Variants in HMGCS1 observed in about 807,000 individuals in gnomAD.
The protein encoded by HMGCS1 is hydroxymethylglutaryl-CoA synthase, cytoplasmic.
In HMGCS1, 9 loss-of-function variants were observed where a neutral mutation model predicts 52.3. That is an observed-to-expected ratio of 0.17 (90% CI 0.10 to 0.30). The LOEUF (loss-of-function observed/expected upper bound fraction) is 0.30, where lower values mean the gene tolerates loss of function less well. Among genes scored for constraint, HMGCS1 ranks in the 10% least tolerant of loss-of-function variants. HMGCS1 has a pLI of 1.00. For missense variants in HMGCS1, 320 were observed against 620.9 expected (o/e 0.52, Z 5.15); for synonymous variants, 176 against 214.4 (o/e 0.82, Z 1.57).
At chr5:43,313,236 C>G (rs1241572648) in intron 1 of HMGCS1, 120 bp downstream of exon 1, 1 of 152,528 alleles carries the variant, frequency 6.6e-6, no homozygotes, top group Non-Finnish European at 1.5e-5. Context: ...TCCACGCCTA[C>G]GTCCTGACCC....
Position 43,287,677 on chromosome 5 carries a change from T to C in HMGCS1, c.*3454A>G, listed in dbSNP as rs889707544. 6.6e-6 allele frequency: 1 copy of C among 152,204 alleles called. No individual in the cohort carries two copies. The highest frequency in any genetic ancestry group is 1.5e-5 in the Non-Finnish European group (1 of 68,046). 9.4% of individuals were successfully genotyped at this position (152,204 alleles called of 1,614,324 possible). ...GTAATCAGTTATCCACTAGCAACTT[T>C]CCACCTAGGTCAAGGATGGCCCCAT... On this transcript the variant is annotated 3_prime_UTR_variant, in exon 11 of 11. Coordinates refer to ENST00000325110, the MANE Select transcript of HMGCS1 (RefSeq NM_001098272.3).
chr5:43,293,250 A>G (rs1253984006), intron 8 of HMGCS1, among the ~76,000 whole-genome samples: 2 of 152,122 alleles, frequency 1.3e-5, no homozygotes, highest in African/African-American at 2.4e-5. Context: ...CCATGGTACA[A>G]TTATTTTATT....
At chr5:43,307,418 T>C (rs1362636652) in intron 2 of HMGCS1, among the ~76,000 whole-genome samples, 2 of 152,118 alleles carry the variant, frequency 1.3e-5, no homozygotes, top group Non-Finnish European at 2.9e-5. Context: ...CAGATACATA[T>C]CTTTTGAGGC....
intron 2 of HMGCS1, 23 bp downstream of exon 2, chr5:43,307,743 A>C (rs1218073759): frequency 6.6e-6 from 1 of 152,224 alleles, no homozygotes; most frequent in African/African-American, 2.4e-5. Context: ...ACTTTCCTTA[A>C]GCAGCATGAC....
rs139970083 is a variant in HMGCS1, at chr5:43,297,990, T to G, written c.574+19A>C. ...CATATTGTGCTAAAAAAAACAAAAATGCTTTCCCAAGCACTTACCTCGTTC... is the reference window on the plus strand; with the variant it reads ...CATATTGTGCTAAAAAAAACAAAAAGGCTTTCCCAAGCACTTACCTCGTTC... On this transcript the variant is annotated intron_variant, in intron 4 of 10. Transcript: ENST00000325110. 9 of 1,605,524 alleles carry G rather than the reference T, an allele frequency of 5.6e-6. No individual in the cohort carries two copies. The highest frequency in any genetic ancestry group is 6.8e-6 in the Non-Finnish European group (8 of 1,177,824).
At chr5:43,310,154 A>G (rs1426748884) in intron 1 of HMGCS1, among the ~76,000 whole-genome samples, 2 of 152,252 alleles carry the variant, frequency 1.3e-5, no homozygotes, top group Non-Finnish European at 2.9e-5. Flanking sequence ...GTTAAGAAAG[A>G]CTTGCTCAAA....
chr5:43,305,871 G>T (rs990857081), intron 2 of HMGCS1, among the ~76,000 whole-genome samples: 1 of 102,652 alleles, frequency 9.7e-6, no homozygotes, highest in Non-Finnish European at 1.9e-5. Context: ...AAATCTGATG[G>T]TTAAAAAAAT....
intron 7 of HMGCS1, 136 bp downstream of exon 7, chr5:43,294,555 A>G: frequency 1.7e-6 from 1 of 584,192 alleles, no homozygotes; most frequent in Non-Finnish European, 3.0e-6. Flanking sequence ...AAGTCAATGG[A>G]CAATAGCAGA....
At chr5:43,312,692 A>T (rs1184460382) in intron 1 of HMGCS1, among the ~76,000 whole-genome samples, 1 of 152,052 alleles carries the variant, frequency 6.6e-6, no homozygotes, top group African/African-American at 2.4e-5. Flanking sequence ...TTTAAAACGT[A>T]GACAAAAAAA....
chr5:43,299,340 C>G (rs1249187855), intron 2 of HMGCS1, among the ~76,000 whole-genome samples: 2 of 152,106 alleles, frequency 1.3e-5, no homozygotes, highest in Admixed American at 6.5e-5. Context: ...TCAGAATTAC[C>G]TGACCACCCG....
rs545318314 is a variant in HMGCS1, at chr5:43,294,662, G to GTTAA, written c.1076+25_1076+28dup. 540 of 1,516,466 alleles carry GTTAA rather than the reference G, an allele frequency of 3.6e-4. 5 individuals carry two copies. The East Asian group carries it at 0.012, about 34-fold the overall frequency. 93.9% of individuals were successfully genotyped at this position (1,516,466 alleles called of 1,614,324 possible). ...ATCTAACATCTCCCAAATAAGGGGA[G>GTTAA]TTAAGTAGTAGGTGAAATTTATACT... On this transcript the variant is annotated intron_variant, in intron 7 of 10. Transcript: ENST00000325110.
chr5:43,303,368 C>G (rs1359306820), intron 2 of HMGCS1, among the ~76,000 whole-genome samples: 1 of 152,204 alleles, frequency 6.6e-6, no homozygotes, highest in East Asian at 1.9e-4. Flanking sequence ...GAAGATAAAA[C>G]GAGAGCTTGC....
intron 1 of HMGCS1, among the ~76,000 whole-genome samples, chr5:43,312,794 G>A (rs921218003): frequency 1.3e-5 from 2 of 152,178 alleles, no homozygotes; most frequent in African/African-American, 4.8e-5. Context: ...CTAAATCACG[G>A]TTGTGAACGC....
At chr5:43,294,917 T>C in intron 6 of HMGCS1, 56 bp from the exon 7 acceptor site, 2 of 1,131,454 alleles carry the variant, frequency 1.8e-6, no homozygotes, top group Admixed American at 2.3e-5. Context: ...TTTATTACAC[T>C]AAACAGCAGG....
intron 1 of HMGCS1, among the ~76,000 whole-genome samples, chr5:43,310,806 C>T (rs1754823017): frequency 6.6e-6 from 1 of 152,120 alleles, no homozygotes; most frequent in African/African-American, 2.4e-5. Flanking sequence ...TTCAATTGTT[C>T]CCAGATTCCA....
chr5:43,295,705 A>C, intron 6 of HMGCS1, 47 bp downstream of exon 6: 3 of 1,399,900 alleles, frequency 2.1e-6, no homozygotes, highest in Non-Finnish European at 3.0e-6. Flanking sequence ...ACAGATATTA[A>C]AAATGCTCTA....
chr5:43,294,922 A>G, intron 6 of HMGCS1, 61 bp from the exon 7 acceptor site: 1 of 1,072,052 alleles, frequency 9.3e-7, no homozygotes. Flanking sequence ...TACACTAAAC[A>G]GCAGGCCTAA....
chr5:43,295,131 T>C (rs1353216858), intron 6 of HMGCS1, among the ~76,000 whole-genome samples: 1 of 152,256 alleles, frequency 6.6e-6, no homozygotes, highest in East Asian at 1.9e-4. Context: ...TATTCACTTA[T>C]ATTGGCTTCA....
chr5:43,298,453 A>G lies in HMGCS1; in HGVS notation c.448+65T>C, dbSNP rs1754142663. The G allele has an allele frequency of 8.6e-7, 1 of 1,163,772 alleles. No homozygotes were observed. The highest frequency in any genetic ancestry group is 1.2e-6 in the Non-Finnish European group (1 of 801,636). The allele number at this position is 1,163,772 out of a possible 1,614,324, so 72.1% of individuals were successfully genotyped here. A position where few individuals can be genotyped will look rare whatever the true frequency, so the allele number is the denominator to read the frequency against. On this transcript the variant is annotated intron_variant, in intron 3 of 10. Transcript: ENST00000325110. This position sits in a 1 kb window ranked among gnomAD's most constrained non-coding sequence, Gnocchi z 5.6. ...TGCGTATTGCATTAATTAAAGTGTC[A>G]TCTGGGTCTATTGAACCTTAGAAAA...
Sources: allele counts gnomAD v4.1 joint callset (sites outside exome capture counted in the v4.1 genomes callset), GRCh38; gene constraint gnomAD v4.1.1; non-coding constraint Gnocchi (gnomAD v3.1); transcripts MANE v1.5; gene names NCBI Gene and HGNC (gene_info 2026-07-23, HGNC 2026-07-21).